The following SUMF1 variants were observed in gnomAD, a reference collection of about 807,000 sequenced individuals.
SUMF1 encodes the protein sulfatase modifying factor 1, also known as formylglycine-generating enzyme.
A neutral mutation model predicts 47.6 loss-of-function variants in SUMF1; 48 were observed. The ratio of observed to expected loss-of-function variants is 1.01; its 90% CI spans 0.80 to 1.28. The LOEUF (loss-of-function observed/expected upper bound fraction) is 1.28, where lower values mean the gene tolerates loss of function less well. Ranked by LOEUF, SUMF1 falls within the 50% of genes most tolerant of loss-of-function variation. SUMF1 has a pLI of 0.00. For missense variants in SUMF1, 571 were observed against 485.4 expected (o/e 1.18, Z -1.66); for synonymous variants, 230 against 192.1 (o/e 1.20, Z -1.63).
chr3:4,120,444 C>A (rs1000705316), intron 8 of SUMF1, among the ~76,000 whole-genome samples: 4 of 152,134 alleles, frequency 2.6e-5, no homozygotes, highest in African/African-American at 9.7e-5. Context: ...AAGAAGTAAT[C>A]TTGGGCAGCT....
intron 8 of SUMF1, among the ~76,000 whole-genome samples, chr3:4,187,290 G>C (rs544193542): frequency 1.3e-5 from 2 of 152,302 alleles, no homozygotes; most frequent in African/African-American, 4.8e-5. Context: ...GACTGCTTGA[G>C]CACAGGAGCT....
chr3:4,174,723 G>A (rs1458270273), intron 8 of SUMF1, among the ~76,000 whole-genome samples: 1 of 152,274 alleles, frequency 6.6e-6, no homozygotes, highest in Non-Finnish European at 1.5e-5. Context: ...AGCCAAAGCA[G>A]GATGGGGCAT....
intron 8 of SUMF1, among the ~76,000 whole-genome samples, chr3:4,368,116 C>T (rs886750791): frequency 2.6e-5 from 4 of 152,136 alleles, no homozygotes; most frequent in African/African-American, 4.8e-5. Flanking sequence ...TTAGAATCTA[C>T]AATGAAGTCT....
At chr3:4,375,283 T>G (rs1192759292) in intron 8 of SUMF1, among the ~76,000 whole-genome samples, 1 of 152,004 alleles carries the variant, frequency 6.6e-6, no homozygotes, top group East Asian at 1.9e-4. Flanking sequence ...ATACAGAAGA[T>G]ACACATACAT....
chr3:4,133,940 T>C (rs8179895), intron 8 of SUMF1, among the ~76,000 whole-genome samples: 50,140 of 151,818 alleles, frequency 0.33, 9,008 homozygotes, highest in Non-Finnish European at 0.41. Flanking sequence ...ACGGGCAGAC[T>C]GACGAATCTG....
chr3:4,271,466 T>A (rs1029853218), intron 8 of SUMF1, among the ~76,000 whole-genome samples: 1 of 108,374 alleles, frequency 9.2e-6, no homozygotes, highest in Non-Finnish European at 2.2e-5. Context: ...TTATACTATC[T>A]ATAGATAGAT....
chr3:4,393,595 A>G (rs1020123125), intron 7 of SUMF1, among the ~76,000 whole-genome samples: 1 of 152,126 alleles, frequency 6.6e-6, no homozygotes, highest in Non-Finnish European at 1.5e-5. Context: ...AGTCTCCCAA[A>G]GCACTGGTAT....
chr3:4,408,999 T>A (rs1256468690), intron 7 of SUMF1, among the ~76,000 whole-genome samples: 1 of 152,040 alleles, frequency 6.6e-6, no homozygotes, highest in Non-Finnish European at 1.5e-5. Context: ...AGTAATTAAG[T>A]TTTTAAAAAA....
At chr3:4,153,357 C>T (rs1460155743) in intron 8 of SUMF1, among the ~76,000 whole-genome samples, 1 of 151,406 alleles carries the variant, frequency 6.6e-6, no homozygotes, top group Non-Finnish European at 1.5e-5. Flanking sequence ...ACTACAGGCA[C>T]ATGCCACTAT....
chr3:4,181,452 A>G (rs939733627), intron 8 of SUMF1, among the ~76,000 whole-genome samples: 17 of 152,172 alleles, frequency 1.1e-4, no homozygotes, highest in African/African-American at 4.1e-4. Flanking sequence ...TGGGGATTTC[A>G]GTCTACGTAA....
intron 9 of SUMF1, among the ~76,000 whole-genome samples, chr3:4,035,000 G>A (rs1694767752): frequency 6.6e-6 from 1 of 151,812 alleles, no homozygotes; most frequent in Non-Finnish European, 1.5e-5. Context: ...GCATGTCCAG[G>A]CCTATGCTAT....
At chr3:4,255,913 A>G (rs1464137742) in intron 8 of SUMF1, among the ~76,000 whole-genome samples, 1 of 110,804 alleles carries the variant, frequency 9.0e-6, no homozygotes, top group Non-Finnish European at 1.8e-5. Flanking sequence ...ATAACAAACT[A>G]TCTCTCAGAC....
chr3:4,271,137 C>T (rs1251243413), intron 8 of SUMF1, among the ~76,000 whole-genome samples: 1 of 152,112 alleles, frequency 6.6e-6, no homozygotes, highest in Non-Finnish European at 1.5e-5. Flanking sequence ...TGTGCTAATA[C>T]CCACCACCAA....
At chr3:4,077,397 G>A (rs1476088564) in intron 8 of SUMF1, among the ~76,000 whole-genome samples, 1 of 151,986 alleles carries the variant, frequency 6.6e-6, no homozygotes, top group East Asian at 1.9e-4. Context: ...AAAAGACTTG[G>A]AACCAACCCA....
At chr3:4,407,187 T>C (rs1701404159) in intron 7 of SUMF1, among the ~76,000 whole-genome samples, 1 of 152,120 alleles carries the variant, frequency 6.6e-6, no homozygotes, top group South Asian at 2.1e-4. Flanking sequence ...AAAGCACACA[T>C]GGCTGTTTCC....
At chr3:4,170,915 G>T (rs1326438841) in intron 8 of SUMF1, among the ~76,000 whole-genome samples, 1 of 152,116 alleles carries the variant, frequency 6.6e-6, no homozygotes, top group Non-Finnish European at 1.5e-5. Context: ...ACTGTTGCAT[G>T]AACTACATGT....
At chr3:4,462,242 C>CG (rs1559316704) in intron 1 of SUMF1, among the ~76,000 whole-genome samples, 1 of 152,174 alleles carries the variant, frequency 6.6e-6, no homozygotes, top group Non-Finnish European at 1.5e-5. Context: ...CTTTTGACCA[C>CG]GGAGATGTAA....
chr3:4,245,300 T>G (rs555609963), intron 8 of SUMF1, among the ~76,000 whole-genome samples: 1 of 152,252 alleles, frequency 6.6e-6, no homozygotes, highest in African/African-American at 2.4e-5. Context: ...TTGTATTCCT[T>G]TGGAGGAGAA....
chr3:4,391,236 TTTTTTG>T (rs148665743), intron 7 of SUMF1, among the ~76,000 whole-genome samples: 3,902 of 152,134 alleles, frequency 0.026, 133 homozygotes, highest in African/African-American at 0.082. Context: ...CCAGGTGTGG[TTTTTTG>T]TTTTTGTTTT....
Sources: gnomAD v4.1 joint callset for allele counts (sites outside exome capture counted in the v4.1 genomes callset) on GRCh38, gnomAD v4.1.1 for gene constraint, MANE v1.5 for transcripts, NCBI Gene and HGNC (gene_info 2026-07-23, HGNC 2026-07-21) for gene names.